GSTT4: variants seen among roughly 807,000 people sequenced by gnomAD.
GSTT4 encodes the protein glutathione S-transferase theta-4.
At chr22:23,992,012 C>A in the GSTT4 span, among the ~76,000 whole-genome samples, 1 of 145,268 alleles carries the variant, frequency 6.9e-6, no homozygotes, top group Non-Finnish European at 1.5e-5. Context: ...GAGCTCACGC[C>A]ACTGCACTCC....
At chr22:23,999,579 T>G (rs1319119269) in intron 4 of GSTT4, among the ~76,000 whole-genome samples, 7 of 112,720 alleles carry the variant, frequency 6.2e-5, no homozygotes, top group Admixed American at 5.9e-4. Flanking sequence ...CTCCCCTGCA[T>G]GTAGAGGCCA....
chr22:23,989,696 G>C, the GSTT4 span, among the ~76,000 whole-genome samples: 3,258 of 151,272 alleles, frequency 0.022, 161 homozygotes, highest in African/African-American at 0.074. Context: ...CGGTGGCTCA[G>C]CTCTTCTTCC....
the GSTT4 span, chr22:23,989,291 TC>T: frequency 9.7e-6 from 1 of 102,698 alleles, no homozygotes; most frequent in African/African-American, 4.0e-5. Flanking sequence ...CACCCCAAAA[TC>T]CCAGCAGCAG....
At chr22:24,001,526 T>C (rs2034230421) in intron 2 of GSTT4, among the ~76,000 whole-genome samples, 1 of 151,906 alleles carries the variant, frequency 6.6e-6, no homozygotes, top group Non-Finnish European at 1.5e-5. Flanking sequence ...TGAGTAGGAG[T>C]TGGGGGCTGG....
downstream of GSTT4, among the ~76,000 whole-genome samples, chr22:23,996,877 TA>T (rs1286873637): frequency 6.6e-6 from 1 of 151,942 alleles, no homozygotes; most frequent in Admixed American, 6.6e-5. Flanking sequence ...CTTCCTGTTT[TA>T]TTTTTTTGGA....
At chr22:24,000,577 G>T (rs1958424288) in intron 3 of GSTT4, among the ~76,000 whole-genome samples, 1 of 134,276 alleles carries the variant, frequency 7.4e-6, no homozygotes, top group East Asian at 1.9e-4. Context: ...TTTGTTTTTT[G>T]AGATGGAGTC....
At chr22:23,998,793 G>A (rs2034162716) in intron 4 of GSTT4, 54 bp from the exon 5 acceptor site, 1 of 154,848 alleles carries the variant, frequency 6.5e-6, no homozygotes, top group African/African-American at 2.4e-5. Context: ...GCCCCACCTG[G>A]GTCCTCTCCC....
At chr22:23,993,580 A>G (rs1211122831), downstream of GSTT4, among the ~76,000 whole-genome samples, 6 of 152,208 alleles carry the variant, frequency 3.9e-5, no homozygotes, top group Non-Finnish European at 8.8e-5. Context: ...TTCCTCACAG[A>G]CTGCAAGGTA....
chr22:23,991,092 CGCTTAA>C, the GSTT4 span, among the ~76,000 whole-genome samples: 2 of 82,330 alleles, frequency 2.4e-5, no homozygotes, highest in African/African-American at 3.7e-5. Flanking sequence ...GCGGGAGGAT[CGCTTAA>C]GCCTGGAAGG....
intron 2 of GSTT4, among the ~76,000 whole-genome samples, chr22:24,002,762 C>T (rs1475409237): frequency 6.0e-5 from 3 of 49,672 alleles, no homozygotes; most frequent in East Asian, 4.0e-4. Context: ...ACCCGGGAGG[C>T]GGAGCTTGCA....
chr22:23,992,760 C>CCTTCCCCTGGGCT, the GSTT4 span, among the ~76,000 whole-genome samples: 10 of 138,198 alleles, frequency 7.2e-5, no homozygotes, highest in African/African-American at 2.5e-4. Flanking sequence ...CAGGGCCACA[C>CCTTCCCCTGGGCT]CTTCCCCTGG....
At chr22:24,002,594 G>A (rs1050634538) in intron 2 of GSTT4, among the ~76,000 whole-genome samples, 3 of 39,138 alleles carry the variant, frequency 7.7e-5, no homozygotes, top group Non-Finnish European at 7.6e-5. Flanking sequence ...ACTCTGGGAG[G>A]CCGAGGCGGG....
At chr22:23,992,701 C>T in the GSTT4 span, among the ~76,000 whole-genome samples, 1 of 151,848 alleles carries the variant, frequency 6.6e-6, no homozygotes, top group East Asian at 1.9e-4. Context: ...CTGCTCTGGG[C>T]AGTGATGGGA....
downstream of GSTT4, among the ~76,000 whole-genome samples, chr22:23,997,415 G>T (rs1415907900): frequency 5.3e-5 from 8 of 151,936 alleles, no homozygotes; most frequent in African/African-American, 1.9e-4. Flanking sequence ...TTAGAAAAAA[G>T]TCTCATTGTG....
At chr22:24,003,643 A>G (rs965821824) in intron 2 of GSTT4, 117 bp downstream of exon 2, 1 of 154,644 alleles carries the variant, frequency 6.5e-6, no homozygotes, top group Admixed American at 6.5e-5. Flanking sequence ...ATTAGTTAGT[A>G]TTCACTCTCC....
At chr22:23,999,199 C>A (rs1051613422) in intron 4 of GSTT4, among the ~76,000 whole-genome samples, 1 of 150,892 alleles carries the variant, frequency 6.6e-6, no homozygotes, top group Non-Finnish European at 1.5e-5. Context: ...CGCTGGCTTA[C>A]TAAGAGTTTG....
intron 1 of GSTT4, chr22:24,004,766 A>C (rs2034314332): frequency 1.3e-5 from 2 of 152,992 alleles, no homozygotes; most frequent in African/African-American, 4.8e-5. Context: ...ATTAGTGAGC[A>C]CTGACTAAGG....
At chr22:24,000,820 C>A (rs1395147600) in intron 3 of GSTT4, among the ~76,000 whole-genome samples, 8 of 113,512 alleles carry the variant, frequency 7.0e-5, no homozygotes, top group Admixed American at 6.2e-4. Context: ...CTCGGCCTCC[C>A]AAAGTACTGG....
At chr22:23,992,170 G>C in the GSTT4 span, among the ~76,000 whole-genome samples, 1 of 140,934 alleles carries the variant, frequency 7.1e-6, no homozygotes, top group Non-Finnish European at 1.6e-5. Flanking sequence ...GACTGCCTGC[G>C]GGGCTGCCAG....
Sources: gnomAD v4.1 joint callset for allele counts (sites outside exome capture counted in the v4.1 genomes callset) on GRCh38, gnomAD v4.1.1 for gene constraint, MANE v1.5 for transcripts, NCBI Gene and HGNC (gene_info 2026-07-23, HGNC 2026-07-21) for gene names.